Variants in KIF1B observed in about 807,000 individuals in gnomAD.
The protein encoded by KIF1B is kinesin-like protein KIF1B.
Under a neutral mutation model 241.9 loss-of-function variants are expected in KIF1B, and 76 were observed. The observed-to-expected ratio is 0.31, with a 90% CI of 0.26 to 0.38. KIF1B has a LOEUF of 0.38. Among genes scored for constraint, KIF1B ranks in the 10% least tolerant of loss-of-function variants. KIF1B has a pLI of 1.00. For missense variants in KIF1B, 1,622 were observed against 2,271.4 expected (o/e 0.71, Z 5.81); for synonymous variants, 750 against 796.7 (o/e 0.94, Z 0.99).
At chr1:10,322,856 G>A (rs534860179) in intron 24 of KIF1B, among the ~76,000 whole-genome samples, 6 of 152,240 alleles carry the variant, frequency 3.9e-5, no homozygotes, top group South Asian at 4.1e-4. Context: ...AAACTATAAC[G>A]TGGTAGGGAG....
intron 4 of KIF1B, among the ~76,000 whole-genome samples, chr1:10,260,995 C>G (rs1269185163): frequency 6.7e-6 from 1 of 149,966 alleles, no homozygotes; most frequent in Non-Finnish European, 1.5e-5. Flanking sequence ...GAGACAGAGT[C>G]TTGCTTTGTC....
chr1:10,336,582 T>A (rs1271653903), intron 28 of KIF1B, 75 bp from the exon 29 acceptor site: 1 of 1,173,744 alleles, frequency 8.5e-7, no homozygotes, highest in Non-Finnish European at 1.3e-6. Flanking sequence ...GAGTTTATAA[T>A]CCAGCAAGAG....
At chr1:10,306,749 C>G in intron 22 of KIF1B, 4 of 847,206 alleles carry the variant, frequency 4.7e-6, no homozygotes, top group Non-Finnish European at 5.5e-6. Flanking sequence ...AGAGTGAGAA[C>G]CTGTCTTTAA....
chr1:10,330,090 C>T (rs1006075461), intron 27 of KIF1B, among the ~76,000 whole-genome samples: 6 of 152,172 alleles, frequency 3.9e-5, no homozygotes, highest in Admixed American at 1.3e-4. Flanking sequence ...TTTCTGCTAA[C>T]GTATCCTTTC....
Position 10,275,458 on chromosome 1 carries a change from C to T in KIF1B, c.913C>T (p.Pro305Ser). 6.3e-7 allele frequency: 1 copy of T among 1,586,378 alleles called. No individual in the cohort carries two copies. The highest frequency in any genetic ancestry group is 8.7e-7 in the Non-Finnish European group (1 of 1,155,080). Residue 305 changes from proline (P) to serine (S), a missense_variant, in exon 11 of 49, where the codon CCC (proline) becomes TCC (serine). Pro to Ser is a moderately conservative substitution (Grantham distance 74). Transcript: ENST00000676179. ...SKKKKKTDFI[P>S]YRDSVLTWLL... ...AAAGAAGAAGAAAACAGATTTTATT[C>T]CCTACAGGGATTCTGTACTTACTTG...
Position 10,345,946 on chromosome 1 carries a change from A to G in KIF1B, c.3790A>G (p.Thr1264Ala). 1 of 1,600,692 alleles carries G rather than the reference A, an allele frequency of 6.2e-7. No homozygotes were observed. Among genetic ancestry groups the G allele is most frequent in the Non-Finnish European group, 8.6e-7 (1 of 1,167,752 alleles). ...GTTTGAGATCAGTGAACTGGAGCCT[A>G]CAGGAGAGTAAGTCCAACTTAATAA... is the stretch of plus-strand genomic sequence containing the variant. ...VWFEISELEP[T>A]GEYIPAVVDH... Residue 1264 changes from threonine to alanine, a missense_variant, in exon 35 of 49, where the codon ACA (threonine) becomes GCA (alanine). Physicochemically the swap from Thr to Ala is moderately conservative, Grantham distance 58. Around this residue, in one of 7 missense-constraint regions of KIF1B, gnomAD observed 803 missense variants for 1,112.0 expected, o/e 0.72. Coordinates refer to ENST00000676179, the MANE Select transcript of KIF1B (RefSeq NM_001365951.3).
intron 1 of KIF1B, chr1:10,211,717 G>A (rs1212484184): frequency 1.4e-5 from 2 of 147,264 alleles, no homozygotes; most frequent in East Asian, 3.9e-4. Context: ...TTTTTTCCTT[G>A]ATTGCTAAAT....
chr1:10,304,559 G>A (rs984143414), intron 22 of KIF1B: 1 of 1,614,106 alleles, frequency 6.2e-7, no homozygotes, highest in South Asian at 1.1e-5. Flanking sequence ...GACAAACCCA[G>A]CCACTGTAGC....
intron 12 of KIF1B, 89 bp from the exon 13 acceptor site, chr1:10,277,897 G>A (rs1649200796): frequency 8.6e-7 from 1 of 1,156,564 alleles, no homozygotes; most frequent in African/African-American, 1.5e-5. Context: ...TAAACACTCA[G>A]GATATTTGAT....
At chr1:10,277,185 C>T (rs1323123659) in intron 12 of KIF1B, among the ~76,000 whole-genome samples, 1 of 151,732 alleles carries the variant, frequency 6.6e-6, no homozygotes, top group Admixed American at 6.6e-5. Context: ...GTGGTGTGCA[C>T]CTGTAGTCCT....
chr1:10,317,693 C>T (rs1276528366), intron 22 of KIF1B, among the ~76,000 whole-genome samples: 2 of 150,930 alleles, frequency 1.3e-5, no homozygotes, highest in South Asian at 2.1e-4. Context: ...TAGCCAGGCA[C>T]GGTGGCGTGC....
At chr1:10,231,738 T>C (rs900187609) in intron 1 of KIF1B, among the ~76,000 whole-genome samples, 1 of 152,176 alleles carries the variant, frequency 6.6e-6, no homozygotes, top group African/African-American at 2.4e-5. Flanking sequence ...TGGAAAGTTA[T>C]CTGTTTAAGG....
intron 2 of KIF1B, among the ~76,000 whole-genome samples, chr1:10,241,858 A>C (rs907482754): frequency 4.6e-5 from 7 of 152,118 alleles, no homozygotes; most frequent in Non-Finnish European, 1.0e-4. Context: ...GTAGTTGCCT[A>C]GTGAAGTGCG....
chr1:10,254,289 G>T (rs962488030), intron 2 of KIF1B, among the ~76,000 whole-genome samples: 2 of 152,170 alleles, frequency 1.3e-5, no homozygotes, highest in African/African-American at 4.8e-5. Context: ...TTGCTGTAAT[G>T]TGGTTCATTT....
intron 2 of KIF1B, among the ~76,000 whole-genome samples, chr1:10,233,141 G>T (rs1647003962): frequency 6.6e-6 from 1 of 152,130 alleles, no homozygotes; most frequent in Non-Finnish European, 1.5e-5. Flanking sequence ...TCATTAGCTT[G>T]TGCTCCATTT....
intron 2 of KIF1B, among the ~76,000 whole-genome samples, chr1:10,238,437 C>G (rs887174466): frequency 1.3e-5 from 2 of 148,550 alleles, no homozygotes; most frequent in Non-Finnish European, 3.0e-5. Flanking sequence ...GGTGTGATGA[C>G]TCATACCTGT....
At position 10,287,735 on chromosome 1, in the gene KIF1B, A is replaced by G. The variant is rs560143192; in HGVS notation, c.1435-3347A>G. On this transcript the variant is annotated intron_variant, in intron 15 of 48. Transcript: ENST00000676179. Reference sequence around the variant, plus strand: ...GCTGCAAAATGGTAAGAGGATTCCTAGACAGTAATTTTGCTTTCTTAGAGT... The same window carrying G: ...GCTGCAAAATGGTAAGAGGATTCCTGGACAGTAATTTTGCTTTCTTAGAGT... Among the ~76,000 whole-genome samples, 7 of 152,308 alleles carry G rather than the reference A, an allele frequency of 4.6e-5. 1 individual carries two copies. In the South Asian group the frequency reaches 1.2e-3, roughly 27 times the overall value.
chr1:10,365,787 G>C lies in KIF1B; in HGVS notation c.4752+139G>C, dbSNP rs747128270. On this transcript the variant is annotated intron_variant, in intron 43 of 48. Coordinates refer to ENST00000676179, the MANE Select transcript of KIF1B (RefSeq NM_001365951.3). This position sits in a 1 kb window ranked among gnomAD's most constrained non-coding sequence, Gnocchi z 4.0. Reference sequence around the variant, plus strand: ...ACTGTGAATGTAGAAATAAAAAGACGCAGTTCCTACCCTCAACAAGCTTAC... The same window carrying C: ...ACTGTGAATGTAGAAATAAAAAGACCCAGTTCCTACCCTCAACAAGCTTAC... 18 of 1,253,284 alleles carry C rather than the reference G, an allele frequency of 1.4e-5. 1 individual carries two copies. The African/African-American group carries it at 2.7e-4, about 18-fold the overall frequency. 77.6% of individuals were successfully genotyped at this position (1,253,284 alleles called of 1,614,324 possible).
chr1:10,221,202 A>G (rs954923974), intron 1 of KIF1B, among the ~76,000 whole-genome samples: 2 of 149,874 alleles, frequency 1.3e-5, no homozygotes, highest in Admixed American at 6.7e-5. Context: ...GGTTCAAGCA[A>G]TTCTCCTGCC....
Sources: allele counts gnomAD v4.1 joint callset (sites outside exome capture counted in the v4.1 genomes callset), GRCh38; gene constraint gnomAD v4.1.1; regional missense constraint gnomAD v4.1.1; non-coding constraint Gnocchi (gnomAD v3.1); transcripts MANE v1.5; gene names NCBI Gene and HGNC (gene_info 2026-07-23, HGNC 2026-07-21).